The following PIK3AP1 variants were observed in gnomAD, a reference collection of about 807,000 sequenced individuals.
PIK3AP1 encodes the protein phosphoinositide-3-kinase adaptor protein 1.
A neutral mutation model predicts 88.1 loss-of-function variants in PIK3AP1; 21 were observed. The ratio of observed to expected loss-of-function variants is 0.24; its 90% CI spans 0.17 to 0.34. PIK3AP1 has a LOEUF of 0.34. PIK3AP1 is among the 10% of genes least tolerant of loss of function. The pLI, the probability that PIK3AP1 is intolerant of heterozygous loss-of-function variation, is 1.00. For synonymous variants in PIK3AP1, 398 were observed against 400.0 expected, an observed-to-expected ratio of 1.00 and a Z score of 0.06; for missense variants, 828 against 1,035.7, an observed-to-expected ratio of 0.80 and a Z score of 2.75.
chr10:96,682,021 G>T lies in PIK3AP1; in HGVS notation c.431-25087C>A, dbSNP rs1029882756. On this transcript the variant is annotated intron_variant, in intron 2 of 16. Coordinates refer to ENST00000339364, the MANE Select transcript of PIK3AP1 (RefSeq NM_152309.3). The stretch of plus-strand genomic sequence containing the variant: ...ATATATATATATATATATAGAGAGA[G>T]AGAGAGAGAGAGAGAAACAAGGGGG... Among the ~76,000 whole-genome samples the T allele has an allele frequency of 8.8e-4, 134 of 151,770 alleles. 1 individual carries two copies. The highest frequency in any genetic ancestry group is 2.3e-3 in the African/African-American group (95 of 41,386).
chr10:96,679,736 C>T (rs750478702), intron 2 of PIK3AP1, among the ~76,000 whole-genome samples: 1 of 152,124 alleles, frequency 6.6e-6, no homozygotes, highest in Admixed American at 6.5e-5. Flanking sequence ...CACCAAGGTC[C>T]CAGGTTCTTC....
At chr10:96,613,578 A>G (rs1241287593) in intron 13 of PIK3AP1, among the ~76,000 whole-genome samples, 1 of 152,156 alleles carries the variant, frequency 6.6e-6, no homozygotes, top group African/African-American at 2.4e-5. Flanking sequence ...CTTCTTGGAG[A>G]GTCGGGGATG....
chr10:96,695,479 C>T (rs1341581218), intron 2 of PIK3AP1, among the ~76,000 whole-genome samples: 4 of 152,188 alleles, frequency 2.6e-5, no homozygotes, highest in South Asian at 4.1e-4. Context: ...CAGCCTCCCC[C>T]GCTATTTCCT....
intron 14 of PIK3AP1, among the ~76,000 whole-genome samples, chr10:96,605,845 GGAGGCT>G (rs1403037660): frequency 6.6e-6 from 1 of 152,198 alleles, no homozygotes; most frequent in Non-Finnish European, 1.5e-5. Context: ...CTACACTTTG[GGAGGCT>G]GAGGCGGGTG....
intron 2 of PIK3AP1, among the ~76,000 whole-genome samples, chr10:96,661,275 C>T (rs146156817): frequency 1.0e-3 from 155 of 151,968 alleles, no homozygotes; most frequent in African/African-American, 3.2e-3. Flanking sequence ...CACTGATTGC[C>T]AGTGGTTAGG....
chr10:96,630,182 C>T (rs1322128518), intron 8 of PIK3AP1, among the ~76,000 whole-genome samples: 1 of 152,054 alleles, frequency 6.6e-6, no homozygotes, highest in African/African-American at 2.4e-5. Flanking sequence ...CAAAAAACAA[C>T]CTCCTTATTT....
intron 2 of PIK3AP1, among the ~76,000 whole-genome samples, chr10:96,661,577 T>C (rs1269122169): frequency 6.6e-6 from 1 of 152,196 alleles, no homozygotes; most frequent in Non-Finnish European, 1.5e-5. Flanking sequence ...TTGCATGCTT[T>C]CCACTTAATT....
chr10:96,595,670 T>C (rs1406787661), intron 16 of PIK3AP1, 36 bp from the exon 17 acceptor site: 1 of 1,599,592 alleles, frequency 6.3e-7, no homozygotes, highest in Non-Finnish European at 8.6e-7. Flanking sequence ...ATTTAAAAAC[T>C]AATTTGATTA....
At chr10:96,637,314 T>TCACACACACACACACACA (rs55885337) in intron 8 of PIK3AP1, among the ~76,000 whole-genome samples, 1 of 127,998 alleles carries the variant, frequency 7.8e-6, no homozygotes, top group African/African-American at 2.8e-5. Flanking sequence ...AGATATACAA[T>TCACACACACACACACACA]CACACACACA....
At position 96,626,779 on chromosome 10, in the gene PIK3AP1, G is replaced by A. The variant is rs1377817392; in HGVS notation, c.1598C>T (p.Pro533Leu). The change falls in exon 10 of 17, where the codon CCA (proline) becomes CTA (leucine). Residue 533 changes from proline to leucine, a missense_variant. Pro to Leu is a moderately conservative substitution (Grantham distance 98, BLOSUM62 -3). Transcript: ENST00000339364. ...SVDLASRPPV[P>L]VPRPETTAPG... ...AGCAGTGGTCTCTGGTCTGGGCACT[G>A]GGACAGGGGGCCTGCTGGCCAGGTC... 6.2e-7 allele frequency: 1 copy of A among 1,614,136 alleles called. No homozygotes were observed. The highest frequency in any genetic ancestry group is 8.5e-7 in the Non-Finnish European group (1 of 1,180,044).
intron 2 of PIK3AP1, chr10:96,700,975 G>A (rs1844290854): frequency 2.5e-6 from 2 of 808,600 alleles, no homozygotes; most frequent in Non-Finnish European, 3.0e-6. Context: ...ACAGACCACA[G>A]GGCCTGAGCT....
At chr10:96,700,977 G>T in intron 2 of PIK3AP1, 1 of 798,952 alleles carries the variant, frequency 1.3e-6, no homozygotes, top group Non-Finnish European at 1.5e-6. Context: ...AGACCACAGG[G>T]CCTGAGCTAC....
chr10:96,690,552 C>T (rs1417352080), intron 2 of PIK3AP1, among the ~76,000 whole-genome samples: 1 of 152,154 alleles, frequency 6.6e-6, no homozygotes, highest in Non-Finnish European at 1.5e-5. Context: ...AACCATTGCA[C>T]CCAGCCCAAA....
At chr10:96,702,002 C>T (rs916396865) in intron 2 of PIK3AP1, among the ~76,000 whole-genome samples, 7 of 152,072 alleles carry the variant, frequency 4.6e-5, no homozygotes, top group African/African-American at 1.4e-4. Context: ...CCATTTGTGA[C>T]AATGTGGATG....
intron 2 of PIK3AP1, 87 bp downstream of exon 2, chr10:96,709,480 C>T (rs1426031418): frequency 1.4e-6 from 2 of 1,445,874 alleles, no homozygotes; most frequent in Non-Finnish European, 1.9e-6. Context: ...TAGTGAGATC[C>T]CCGCTCATTT....
intron 13 of PIK3AP1, among the ~76,000 whole-genome samples, chr10:96,610,718 G>C (rs1042485059): frequency 2.6e-5 from 4 of 152,212 alleles, no homozygotes; most frequent in Non-Finnish European, 5.9e-5. Context: ...ACCCTACCCA[G>C]AGGTTGTCTC....
At chr10:96,659,307 T>C (rs1159276058) in intron 2 of PIK3AP1, among the ~76,000 whole-genome samples, 2 of 152,180 alleles carry the variant, frequency 1.3e-5, no homozygotes, top group Non-Finnish European at 2.9e-5. Context: ...TGCTCCAGAA[T>C]TTTTTAGATA....
chr10:96,681,096 C>T (rs1843993205), intron 2 of PIK3AP1, among the ~76,000 whole-genome samples: 1 of 152,180 alleles, frequency 6.6e-6, no homozygotes, highest in Admixed American at 6.5e-5. Flanking sequence ...AAGGTGTCAG[C>T]AGGGTTGTTT....
At chr10:96,637,629 C>A (rs1429159947) in intron 8 of PIK3AP1, among the ~76,000 whole-genome samples, 1 of 152,118 alleles carries the variant, frequency 6.6e-6, no homozygotes, top group African/African-American at 2.4e-5. Flanking sequence ...AGATTACAGG[C>A]ATGAGCCACC....
Sources: gnomAD v4.1 joint callset for allele counts (sites outside exome capture counted in the v4.1 genomes callset) on GRCh38, gnomAD v4.1.1 for gene constraint, MANE v1.5 for transcripts, NCBI Gene and HGNC (gene_info 2026-07-23, HGNC 2026-07-21) for gene names.